Variants in ARHGEF6 observed in about 807,000 individuals in gnomAD.
ARHGEF6 encodes the protein rho guanine nucleotide exchange factor 6.
Under a neutral mutation model 70.3 loss-of-function variants are expected in ARHGEF6, and 9 were observed. The observed-to-expected ratio is 0.13, with a 90% CI of 0.08 to 0.22. The LOEUF is 0.22. Ranked by LOEUF, ARHGEF6 falls within the 10% of genes least tolerant of loss-of-function variation. The probability of loss-of-function intolerance (pLI) is 1.00; values close to 1 mark genes in which losing one functional copy is unlikely to be tolerated. For synonymous variants in ARHGEF6, 201 were observed against 207.8 expected, an observed-to-expected ratio of 0.97 and a Z score of 0.28; for missense variants, 470 against 563.0, an observed-to-expected ratio of 0.83 and a Z score of 1.67.
At chrX:136,670,994 A>G (rs368315384) in intron 20 of ARHGEF6, among the ~76,000 whole-genome samples, 4 of 111,858 alleles carry the variant, frequency 3.6e-5, no homozygotes, top group African/African-American at 1.3e-4. Flanking sequence ...TCTTGGTCTT[A>G]GTTTCTTTAC....
At chrX:136,677,820 T>C in intron 17 of ARHGEF6, 116 bp downstream of exon 17, 1 of 589,495 alleles carries the variant, frequency 1.7e-6, no homozygotes, top group Non-Finnish European at 2.7e-6. Context: ...TCTTCATATT[T>C]TAGCCACCAA....
chrX:136,711,761 A>G (rs1360326218), intron 7 of ARHGEF6, among the ~76,000 whole-genome samples: 1 of 111,286 alleles, frequency 9.0e-6, no homozygotes, highest in Admixed American at 9.5e-5. Flanking sequence ...GGGTTTCGCC[A>G]TGTTGCCCAG....
Position 136,747,544 on chromosome X carries a change from G to A in ARHGEF6, c.298C>T (p.Leu100=). Residue 100 remains leucine, a synonymous_variant, in exon 3 of 22, where the codon CTG becomes TTG. Transcript: ENST00000250617. ...LYSGVNFSKV[L]STLLAVNKAT... Reference sequence around the variant, plus strand: ...TTGTTGACAGCTAAAAGAGTACTCAGTACCTTGGAGAAATTGACCCCTGAA... The same window carrying A: ...TTGTTGACAGCTAAAAGAGTACTCAATACCTTGGAGAAATTGACCCCTGAA... 1 of 1,209,318 alleles carries A rather than the reference G, an allele frequency of 8.3e-7. No individual in the cohort carries two copies. The highest frequency in any genetic ancestry group is 1.1e-6 in the Non-Finnish European group (1 of 894,213).
At chrX:136,779,377 A>AG in intron 2 of ARHGEF6, 37 bp downstream of exon 2, 1 of 1,138,700 alleles carries the variant, frequency 8.8e-7, no homozygotes. Context: ...GAGCAAAAAA[A>AG]CGATGACAAC....
intron 6 of ARHGEF6, among the ~76,000 whole-genome samples, chrX:136,725,281 A>G (rs1417475301): frequency 9.0e-6 from 1 of 111,026 alleles, no homozygotes; most frequent in Non-Finnish European, 1.9e-5. Flanking sequence ...AACTCCTATG[A>G]CTGCAAGTTT....
In ARHGEF6 at chrX:136,682,852, G is replaced by A. The variant is rs377588907; in HGVS notation, c.1393-8C>T. ...GTACCGCTCCTCTTTTTCCTGAGAG[G>A]GAATGAAAATAATACATGAAGAACA... On this transcript the variant is annotated splice_region_variant and splice_polypyrimidine_tract_variant and intron_variant, in intron 12 of 21. Transcript: ENST00000250617. 9 of 1,177,272 alleles carry A rather than the reference G, an allele frequency of 7.6e-6. No individual in the cohort carries two copies. In the African/African-American group the frequency reaches 1.6e-4, roughly 21 times the overall value.
chrX:136,772,566 T>C (rs1331283860), intron 2 of ARHGEF6, among the ~76,000 whole-genome samples: 1 of 112,298 alleles, frequency 8.9e-6, no homozygotes, highest in Non-Finnish European at 1.9e-5. Flanking sequence ...AAAACAAAAA[T>C]GTCTAATTAA....
At chrX:136,668,527 C>CTTATTATTATTATTA (rs1261612900) in intron 21 of ARHGEF6, among the ~76,000 whole-genome samples, 41 of 100,557 alleles carry the variant, frequency 4.1e-4, no homozygotes, top group African/African-American at 1.7e-3. Flanking sequence ...TCTTCTTCTT[C>CTTATTATTATTATTA]TTCTTCTTAT....
At chrX:136,699,687 A>G (rs1192741993) in intron 9 of ARHGEF6, among the ~76,000 whole-genome samples, 2 of 111,412 alleles carry the variant, frequency 1.8e-5, no homozygotes, top group African/African-American at 3.3e-5. Flanking sequence ...ACACTTGCAT[A>G]GTGATTTTAA....
At chrX:136,756,476 C>T (rs1050216702) in intron 2 of ARHGEF6, among the ~76,000 whole-genome samples, 1 of 111,695 alleles carries the variant, frequency 9.0e-6, no homozygotes, top group African/African-American at 3.3e-5. Context: ...TATTTTCAAC[C>T]GTTTTTGTTG....
At chrX:136,752,103 T>C (rs975570657) in intron 2 of ARHGEF6, among the ~76,000 whole-genome samples, 1 of 112,443 alleles carries the variant, frequency 8.9e-6, no homozygotes, top group African/African-American at 3.2e-5. Flanking sequence ...TCCATGAGTC[T>C]GTATGCGAAA....
intron 7 of ARHGEF6, among the ~76,000 whole-genome samples, chrX:136,710,861 T>G (rs970790562): frequency 3.6e-5 from 4 of 111,514 alleles, no homozygotes; most frequent in African/African-American, 1.3e-4. Context: ...GAACACACAC[T>G]TCTTAAAAGA....
intron 6 of ARHGEF6, 63 bp from the exon 7 acceptor site, chrX:136,713,433 G>C: frequency 2.3e-6 from 2 of 881,574 alleles, no homozygotes; most frequent in Non-Finnish European, 3.3e-6. Context: ...ATGTAGCTTT[G>C]ATCTTTTAAC....
intron 2 of ARHGEF6, among the ~76,000 whole-genome samples, chrX:136,751,957 C>T (rs2077156206): frequency 9.0e-6 from 1 of 111,379 alleles, no homozygotes; most frequent in African/African-American, 3.3e-5. Flanking sequence ...TAAACTAAGA[C>T]TCAGAGTAGT....
intron 5 of ARHGEF6, 33 bp from the exon 6 acceptor site, chrX:136,732,205 C>A: frequency 9.4e-7 from 1 of 1,065,155 alleles, no homozygotes; most frequent in Non-Finnish European, 1.3e-6. Context: ...ATGTTAATAT[C>A]ACAGAAGGCT....
intron 14 of ARHGEF6, among the ~76,000 whole-genome samples, 182 bp downstream of exon 14, chrX:136,681,705 AGAG>A (rs1478583019): frequency 8.9e-6 from 1 of 112,403 alleles, no homozygotes; most frequent in Non-Finnish European, 1.9e-5. Context: ...CTTTTGAATG[AGAG>A]GAGACTTCTC....
intron 18 of ARHGEF6, 24 bp downstream of exon 18, chrX:136,676,600 T>C: frequency 1.8e-6 from 2 of 1,121,794 alleles, no homozygotes; most frequent in Non-Finnish European, 2.5e-6. Context: ...CATAAACAAC[T>C]TTCAGAAAGT....
intron 2 of ARHGEF6, among the ~76,000 whole-genome samples, chrX:136,777,829 C>T (rs2077418879): frequency 9.2e-6 from 1 of 108,813 alleles, no homozygotes; most frequent in Non-Finnish European, 1.9e-5. Context: ...AAAATAATGG[C>T]ATTCACGACA....
chrX:136,718,417 C>T (rs1221774962), intron 6 of ARHGEF6, among the ~76,000 whole-genome samples: 1 of 110,894 alleles, frequency 9.0e-6, no homozygotes, highest in Non-Finnish European at 1.9e-5. Context: ...GCAGTGGAAG[C>T]GTTCTCCCTT....
Sources: allele counts gnomAD v4.1 joint callset (sites outside exome capture counted in the v4.1 genomes callset), GRCh38; gene constraint gnomAD v4.1.1; transcripts MANE v1.5; gene names NCBI Gene and HGNC (gene_info 2026-07-23, HGNC 2026-07-21).